TG: variants seen among roughly 807,000 people sequenced by gnomAD.
TG encodes thyroid hormones.
TG carries 270 observed loss-of-function variants against 324.7 expected under a neutral mutation model. That is an observed-to-expected ratio of 0.83 (90% confidence interval 0.75 to 0.92). TG has a LOEUF of 0.92. Among genes scored for constraint, TG ranks in the 40% least tolerant of loss-of-function variants. TG has a pLI of 0.00. For synonymous variants in TG, 1,401 were observed against 1,327.0 expected (o/e 1.06, Z -1.21); for missense variants, 3,591 against 3,456.4 (o/e 1.04, Z -0.98).
intron 27 of TG, among the ~76,000 whole-genome samples, chr8:132,959,104 C>T (rs899524720): frequency 3.3e-5 from 5 of 152,192 alleles, no homozygotes; most frequent in Admixed American, 3.3e-4. Context: ...ATTGTTTATT[C>T]CCATTTCAGA....
At chr8:132,945,224 G>T (rs571498777) in intron 26 of TG, among the ~76,000 whole-genome samples, 1 of 152,162 alleles carries the variant, frequency 6.6e-6, no homozygotes, top group African/African-American at 2.4e-5. Context: ...CAGTAGTCCA[G>T]GGTAGAAGGT....
intron 26 of TG, among the ~76,000 whole-genome samples, chr8:132,946,093 A>G (rs906325528): frequency 6.6e-6 from 1 of 152,108 alleles, no homozygotes; most frequent in Non-Finnish European, 1.5e-5. Flanking sequence ...GTCTTGATGT[A>G]TATCTATATT....
At chr8:133,093,859 A>G (rs1230890419) in intron 41 of TG, among the ~76,000 whole-genome samples, 1 of 152,224 alleles carries the variant, frequency 6.6e-6, no homozygotes, top group Non-Finnish European at 1.5e-5. Flanking sequence ...GGACAGTAAG[A>G]GCAACCGACT....
At chr8:133,123,038 G>C (rs988607102) in intron 45 of TG, among the ~76,000 whole-genome samples, 1 of 152,012 alleles carries the variant, frequency 6.6e-6, no homozygotes, top group Non-Finnish European at 1.5e-5. Context: ...AAGCACCCCT[G>C]CCTTCTACCC....
Position 132,983,394 on chromosome 8 carries a change from C to G in TG, c.6244C>G (p.Pro2082Ala). ...CAGTTTTTGCCCTTTGGTTGTTCTG[C>G]CTTCCCTCACAGAGAAAGGTAAGTT... ...APSFCPLVVL[P>A]SLTEKVSLDS... is the part of the protein sequence containing the mutation. The change falls in exon 35 of 48, where the codon CCT becomes GCT. Residue 2082 changes from proline (P) to alanine (A), a missense_variant. By Grantham distance (27) the Pro-to-Ala change is conservative (BLOSUM62 -1). Coordinates refer to ENST00000220616, the MANE Select transcript of TG (RefSeq NM_003235.5). 6.2e-7 allele frequency: 1 copy of G among 1,614,120 alleles called. No individual in the cohort carries two copies. The highest frequency in any genetic ancestry group is 8.5e-7 in the Non-Finnish European group (1 of 1,179,990).
intron 35 of TG, among the ~76,000 whole-genome samples, chr8:132,986,094 T>A (rs979460858): frequency 3.6e-4 from 55 of 152,262 alleles, no homozygotes; most frequent in African/African-American, 1.3e-3. Context: ...CCTCAAGCGA[T>A]AGGTCCTATT....
intron 35 of TG, among the ~76,000 whole-genome samples, chr8:133,007,671 A>G (rs1834141289): frequency 6.6e-6 from 1 of 152,218 alleles, no homozygotes; most frequent in African/African-American, 2.4e-5. Flanking sequence ...GGACTATAAA[A>G]ATAGGACTTG....
intron 41 of TG, among the ~76,000 whole-genome samples, chr8:133,069,853 T>G (rs1370679133): frequency 6.6e-6 from 1 of 151,226 alleles, no homozygotes; most frequent in African/African-American, 2.4e-5. Context: ...AATACAAAAA[T>G]CAGCTGGGCG....
chr8:133,029,734 A>T, intron 40 of TG, 87 bp from the exon 41 acceptor site: 2 of 1,550,784 alleles, frequency 1.3e-6, no homozygotes, highest in Non-Finnish European at 1.8e-6. Flanking sequence ...GCGGGGCCGC[A>T]TATATGCCTG....
Position 132,923,438 on chromosome 8 carries a change from T to A in TG, c.4629T>A (p.Cys1543Ter), listed in dbSNP as rs1563959889. ...ACAGGGGCAGTGGGAAGGCCTTCTG[T>A]GTGGACGGCGAGGGGCGGAGGCTGC... ...QKDRGSGKAF[C>*]VDGEGRRLPW... Residue 1543 changes from cysteine (C) to a stop codon, truncating the protein, a stop_gained, in exon 22 of 48, where the codon TGT becomes TGA. Coordinates refer to ENST00000220616, the MANE Select transcript of TG (RefSeq NM_003235.5). LOFTEE classifies it high-confidence loss of function. 1 of 1,613,922 alleles carries A rather than the reference T, an allele frequency of 6.2e-7. No homozygotes were observed. The highest frequency in any genetic ancestry group is 8.5e-7 in the Non-Finnish European group (1 of 1,179,974).
intron 5 of TG, among the ~76,000 whole-genome samples, chr8:132,878,199 T>C (rs1351435570): frequency 6.6e-6 from 1 of 152,196 alleles, no homozygotes; most frequent in Non-Finnish European, 1.5e-5. Flanking sequence ...CTATTGATGA[T>C]GGAGGGAACT....
chr8:132,995,476 C>T (rs908416385), intron 35 of TG: 2 of 985,166 alleles, frequency 2.0e-6, no homozygotes, highest in African/African-American at 3.5e-5. Flanking sequence ...TGTTCAGCAC[C>T]CCAAAGGAGG....
At chr8:132,919,607 T>C in intron 21 of TG, 82 bp downstream of exon 21, 1 of 1,575,492 alleles carries the variant, frequency 6.3e-7, no homozygotes. Flanking sequence ...CTCTGCACTA[T>C]TGACATTTTG....
intron 24 of TG, among the ~76,000 whole-genome samples, chr8:132,934,364 G>A (rs76416576): frequency 0.02 from 3,031 of 152,112 alleles, 94 homozygotes; most frequent in African/African-American, 0.066. Context: ...CTATAATTGT[G>A]GCTTAAAAAG....
At chr8:133,038,030 A>G (rs778483832) in intron 41 of TG, 1 of 158,158 alleles carries the variant, frequency 6.3e-6, no homozygotes, top group Non-Finnish European at 1.4e-5. Flanking sequence ...AGAAGTCCCT[A>G]TGGATTAGTT....
At chr8:133,126,634 A>C (rs940046052) in intron 45 of TG, among the ~76,000 whole-genome samples, 2 of 152,188 alleles carry the variant, frequency 1.3e-5, no homozygotes, top group African/African-American at 4.8e-5. Context: ...AGGATTGCAT[A>C]GCAAATTCTC....
At chr8:133,112,452 A>G (rs1046405009) in intron 43 of TG, among the ~76,000 whole-genome samples, 1 of 152,122 alleles carries the variant, frequency 6.6e-6, no homozygotes, top group Non-Finnish European at 1.5e-5. Context: ...TCCTGGGGGA[A>G]GGCAGTGAAT....
chr8:132,930,132 C>T (rs1822487668), intron 23 of TG, among the ~76,000 whole-genome samples: 1 of 152,168 alleles, frequency 6.6e-6, no homozygotes, highest in Non-Finnish European at 1.5e-5. Flanking sequence ...TTTTGGATAT[C>T]AGCTTTGGTT....
chr8:133,100,131 T>C (rs1177457568), intron 43 of TG, among the ~76,000 whole-genome samples: 3 of 152,238 alleles, frequency 2.0e-5, no homozygotes, highest in Non-Finnish European at 4.4e-5. Flanking sequence ...TTTATCCCTT[T>C]AGAGTTTCTC....
Sources: gnomAD v4.1 joint callset for allele counts (sites outside exome capture counted in the v4.1 genomes callset) on GRCh38, gnomAD v4.1.1 for gene constraint, MANE v1.5 for transcripts, NCBI Gene and HGNC (gene_info 2026-07-23, HGNC 2026-07-21) for gene names.